RPTOR: variants seen among roughly 807,000 people sequenced by gnomAD.
The protein encoded by RPTOR is regulatory-associated protein of mTOR.
In RPTOR, 21 loss-of-function variants were observed where a neutral mutation model predicts 169.9. That is an observed-to-expected ratio of 0.12 (90% CI 0.09 to 0.18). The LOEUF (loss-of-function observed/expected upper bound fraction) is 0.18, where lower values mean the gene tolerates loss of function less well. Ranked by LOEUF, RPTOR falls within the 10% of genes least tolerant of loss-of-function variation. RPTOR has a pLI of 1.00. For synonymous variants in RPTOR, 732 were observed against 753.2 expected (o/e 0.97, Z 0.46); for missense variants, 1,133 against 1,855.9 (o/e 0.61, Z 7.16).
At chr17:80,873,455 T>G (rs1282103425) in intron 13 of RPTOR, among the ~76,000 whole-genome samples, 1 of 152,172 alleles carries the variant, frequency 6.6e-6, no homozygotes, top group Non-Finnish European at 1.5e-5. Flanking sequence ...ATAATGCATG[T>G]TTTTGTCCTC....
chr17:80,794,562 A>G (rs1363012047), intron 7 of RPTOR, among the ~76,000 whole-genome samples: 2 of 152,186 alleles, frequency 1.3e-5, no homozygotes, highest in Non-Finnish European at 2.9e-5. Context: ...ACTCCTGGAT[A>G]TGTACCCTGG....
chr17:80,841,155 A>G (rs2067644012), intron 10 of RPTOR, among the ~76,000 whole-genome samples: 1 of 119,624 alleles, frequency 8.4e-6, no homozygotes, highest in Non-Finnish European at 1.6e-5. Context: ...CTCTCACCGC[A>G]CGGCAGCTCA....
chr17:80,925,483 G>A lies in RPTOR; in HGVS notation c.2919+3G>A. ...ATTTTGCCCAGCCCGTCATGAAGGT[G>A]CGCCCGGGGTGTGGGGTTCAGAGTA... On this transcript the variant is annotated splice_donor_region_variant and intron_variant, in intron 24 of 33. Transcript: ENST00000306801. 2 of 1,611,504 alleles carry A rather than the reference G, an allele frequency of 1.2e-6. No individual in the cohort carries two copies. The highest frequency in any genetic ancestry group is 2.2e-5 in the East Asian group (1 of 44,880).
At chr17:80,864,275 A>ATGG (rs1567955940) in intron 13 of RPTOR, among the ~76,000 whole-genome samples, 1 of 139,946 alleles carries the variant, frequency 7.1e-6, no homozygotes, top group Non-Finnish European at 1.6e-5. Context: ...GGTGAGAATG[A>ATGG]CGGCAGGTTT....
Position 80,964,625 on chromosome 17 carries a change from T to C in RPTOR, c.*295T>C. On this transcript the variant is annotated 3_prime_UTR_variant, in exon 34 of 34. Transcript: ENST00000306801. ...CTGTCCCTCTCCTGTTCTGTGTTTC[T>C]CTGAGACGCTGAAAGGGGAAACACC... 2 of 466,482 alleles carry C rather than the reference T, an allele frequency of 4.3e-6. No homozygotes were observed. The highest frequency in any genetic ancestry group is 3.5e-5 in the Admixed American group (1 of 28,228). The allele number at this position is 466,482 out of a possible 1,614,324, so 28.9% of individuals were successfully genotyped here. A position where few individuals can be genotyped will look rare whatever the true frequency, so the allele number is the denominator to read the frequency against.
At chr17:80,902,163 G>A (rs1036221475) in intron 20 of RPTOR, among the ~76,000 whole-genome samples, 3 of 152,100 alleles carry the variant, frequency 2.0e-5, no homozygotes, top group South Asian at 4.1e-4. Flanking sequence ...ACCAGGCCTC[G>A]TTGCCCTGGG....
At chr17:80,634,403 CGT>C (rs1294817836) in intron 2 of RPTOR, among the ~76,000 whole-genome samples, 27 of 30,426 alleles carry the variant, frequency 8.9e-4, no homozygotes, top group South Asian at 3.6e-3. Context: ...GTGTGCATAC[CGT>C]GTGTGTGTGC....
chr17:80,889,882 G>A (rs28584108), intron 17 of RPTOR, among the ~76,000 whole-genome samples: 5 of 108,470 alleles, frequency 4.6e-5, no homozygotes, highest in East Asian at 2.9e-4. Flanking sequence ...TGCGGCCTCC[G>A]AGGGAGGCCC....
At chr17:80,909,764 T>G (rs2068589899) in intron 21 of RPTOR, 1 of 152,222 alleles carries the variant, frequency 6.6e-6, no homozygotes, top group African/African-American at 2.4e-5. Context: ...CAAGGGAACT[T>G]TTCAAAGAAT....
chr17:80,887,382 T>TG (rs1333642694), intron 17 of RPTOR, among the ~76,000 whole-genome samples: 48 of 10,508 alleles, frequency 4.6e-3, no homozygotes, highest in African/African-American at 0.013. Context: ...TGCTGACTCT[T>TG]GGGGGGGGTG....
intron 25 of RPTOR, among the ~76,000 whole-genome samples, chr17:80,940,969 A>C (rs2069018768): frequency 6.6e-6 from 1 of 152,232 alleles, no homozygotes; most frequent in African/African-American, 2.4e-5. Context: ...GCATGTTGAC[A>C]TTTCCGGAAG....
At chr17:80,888,798 T>A (rs1032458917) in intron 17 of RPTOR, among the ~76,000 whole-genome samples, 1 of 152,220 alleles carries the variant, frequency 6.6e-6, no homozygotes, top group Non-Finnish European at 1.5e-5. Context: ...ACCCTGCCTC[T>A]TCTCTCAAGA....
At chr17:80,723,022 G>A (rs1035688134) in intron 4 of RPTOR, among the ~76,000 whole-genome samples, 3 of 151,272 alleles carry the variant, frequency 2.0e-5, no homozygotes, top group Non-Finnish European at 2.9e-5. Context: ...CTCACTTTGG[G>A]TTTGTCTGAT....
intron 3 of RPTOR, among the ~76,000 whole-genome samples, chr17:80,702,333 C>G (rs937974045): frequency 3.3e-5 from 5 of 152,062 alleles, no homozygotes; most frequent in African/African-American, 2.4e-5. Context: ...TTTTCTTGCA[C>G]CTTGAGATTT....
chr17:80,701,240 C>T (rs1405643571), intron 3 of RPTOR, among the ~76,000 whole-genome samples: 1 of 152,146 alleles, frequency 6.6e-6, no homozygotes, highest in African/African-American at 2.4e-5. Flanking sequence ...TCCTCAGCGG[C>T]TCCACCTGGT....
In RPTOR at chr17:80,923,475, T is replaced by C. The variant is rs771053392; in HGVS notation, c.2625-15T>C. 67 of 1,613,604 alleles carry C rather than the reference T, an allele frequency of 4.2e-5. No homozygotes were observed. Among genetic ancestry groups the C allele is most frequent in the Non-Finnish European group, 5.6e-5 (66 of 1,179,960 alleles). ...TCTGCAGAGGATGCAGTGTTTGTTT[T>C]TCTTCCAATGGCAGGGGCTCCCCTC... On this transcript the variant is annotated splice_polypyrimidine_tract_variant and intron_variant, in intron 22 of 33. Transcript: ENST00000306801.
intron 1 of RPTOR, among the ~76,000 whole-genome samples, chr17:80,570,243 C>G (rs1227032632): frequency 6.6e-6 from 1 of 152,110 alleles, no homozygotes; most frequent in African/African-American, 2.4e-5. Flanking sequence ...TGTTCAATGC[C>G]TGAAGAAGTG....
intron 6 of RPTOR, among the ~76,000 whole-genome samples, chr17:80,758,271 G>A (rs72851595): frequency 6.6e-6 from 1 of 152,054 alleles, no homozygotes; most frequent in East Asian, 1.9e-4. Context: ...AGAGAACCAT[G>A]GCTAAGGGCC....
At position 80,770,080 on chromosome 17, in the gene RPTOR, G is replaced by A. The variant is rs372403219; in HGVS notation, c.830+15895G>A. Among the ~76,000 whole-genome samples, 15 of 152,312 alleles carry A rather than the reference G, an allele frequency of 9.8e-5. No individual in the cohort carries two copies. The East Asian group carries it at 1.4e-3, about 14-fold the overall frequency. On this transcript the variant is annotated intron_variant, in intron 6 of 33. Transcript: ENST00000306801. ...GCTGGAAGTCCCAGGTCAAGGCATC[G>A]GTGGGTTTGGCGTCTGGTGAGGGCT... is the stretch of plus-strand genomic sequence containing the variant.
Sources: gnomAD v4.1 joint callset for allele counts (sites outside exome capture counted in the v4.1 genomes callset) on GRCh38, gnomAD v4.1.1 for gene constraint, MANE v1.5 for transcripts, NCBI Gene and HGNC (gene_info 2026-07-23, HGNC 2026-07-21) for gene names.